Variants in ZBBX observed in about 807,000 individuals in gnomAD.
ZBBX encodes the protein zinc finger B-box domain-containing protein 1.
ZBBX carries 101 observed loss-of-function variants against 108.5 expected under a neutral mutation model. That is an observed-to-expected ratio of 0.93 (90% CI 0.79 to 1.10). The LOEUF is 1.10. Ranked by LOEUF, ZBBX falls within the 50% of genes least tolerant of loss-of-function variation. ZBBX has a pLI of 0.00. For missense variants in ZBBX, 1,009 were observed against 941.4 expected (o/e 1.07, Z -0.94); for synonymous variants, 356 against 323.4 (o/e 1.10, Z -1.08).
At chr3:167,277,758 A>T (rs1727899590) in intron 20 of ZBBX, among the ~76,000 whole-genome samples, 2 of 152,158 alleles carry the variant, frequency 1.3e-5, no homozygotes, top group Admixed American at 1.3e-4. Flanking sequence ...CCTAATAGAC[A>T]TCTACAGAAC....
chr3:167,222,470 ATAGT>A, the ZBBX span, among the ~76,000 whole-genome samples: 19 of 152,034 alleles, frequency 1.2e-4, no homozygotes, highest in Non-Finnish European at 2.5e-4. Flanking sequence ...GACAAAAAAA[ATAGT>A]TAGGTACATT....
rs536633051 is a variant in ZBBX at position 167,322,941 on chromosome 3, G to T, written c.863-704C>A. 1.2e-3 allele frequency among the ~76,000 whole-genome samples: 180 copies of T among 152,106 alleles called. 1 individual carries two copies. Among genetic ancestry groups the T allele is most frequent in the African/African-American group, 4.1e-3 (172 of 41,512 alleles). ...TTTTTTTATAAACTAAGGCTAGAGG[G>T]TGTCCCAGCCTCATATTGTAGACTT... On this transcript the variant is annotated intron_variant, in intron 11 of 21. Transcript: ENST00000675490.
At chr3:167,322,330 G>A (rs1467184178) in intron 11 of ZBBX, 93 bp from the exon 12 acceptor site, 4 of 1,083,906 alleles carry the variant, frequency 3.7e-6, no homozygotes, top group Non-Finnish European at 4.9e-6. Flanking sequence ...CATTTTTGGG[G>A]CATATATGCT....
intron 18 of ZBBX, among the ~76,000 whole-genome samples, chr3:167,295,751 A>ATG (rs1731571342): frequency 1.0e-4 from 1 of 9,566 alleles, no homozygotes; most frequent in African/African-American, 7.9e-4. Context: ...ATATATATAT[A>ATG]TATATATAAA....
intron 19 of ZBBX, among the ~76,000 whole-genome samples, chr3:167,288,564 T>C (rs765608555): frequency 6.6e-6 from 1 of 152,200 alleles, no homozygotes. Flanking sequence ...AATGAAACCA[T>C]GTATTTTATA....
At chr3:167,311,570 A>G (rs1176329060) in intron 16 of ZBBX, among the ~76,000 whole-genome samples, 1 of 152,110 alleles carries the variant, frequency 6.6e-6, no homozygotes, top group Admixed American at 6.5e-5. Flanking sequence ...CATACAAAAA[A>G]CTCTTAAACC....
intron 11 of ZBBX, among the ~76,000 whole-genome samples, chr3:167,322,443 A>G (rs1005347078): frequency 1.3e-5 from 2 of 151,986 alleles, no homozygotes; most frequent in Non-Finnish European, 2.9e-5. Context: ...TTCTTCAACA[A>G]TCTCTTGAAA....
intron 16 of ZBBX, 149 bp downstream of exon 16, chr3:167,313,825 C>T (rs1576970909): frequency 5.8e-6 from 4 of 691,038 alleles, no homozygotes; most frequent in Non-Finnish European, 8.7e-6. Context: ...TGCATATTTA[C>T]TAGAAAATTA....
chr3:167,185,822 C>T, the ZBBX span, among the ~76,000 whole-genome samples: 22 of 152,152 alleles, frequency 1.4e-4, no homozygotes, highest in African/African-American at 5.1e-4. Flanking sequence ...TCATAATGAC[C>T]ATTTTCCATA....
rs1737362340 is a variant in ZBBX, at chr3:167,326,253, T to G, written c.862+1689A>C. Among the ~76,000 whole-genome samples, 2 of 152,176 alleles carry G rather than the reference T, an allele frequency of 1.3e-5. 1 individual carries two copies. Among genetic ancestry groups the G allele is most frequent in the South Asian group, 4.1e-4 (2 of 4,836 alleles). On this transcript the variant is annotated intron_variant, in intron 11 of 21. Coordinates refer to ENST00000675490, the MANE Select transcript of ZBBX (RefSeq NM_001199201.2). ...CCAGTTGCCCATTACAGAATCTCAGTGAAAATGCAAGTTAACTAATAGTAT... is the reference window on the plus strand; with the variant it reads ...CCAGTTGCCCATTACAGAATCTCAGGGAAAATGCAAGTTAACTAATAGTAT...
chr3:167,253,108 A>G (rs538840303), intron 20 of ZBBX, among the ~76,000 whole-genome samples: 7 of 152,368 alleles, frequency 4.6e-5, no homozygotes, highest in Admixed American at 2.6e-4. Flanking sequence ...TTAAATAAAT[A>G]GAAAAAGCAG....
chr3:167,224,378 G>C, the ZBBX span, among the ~76,000 whole-genome samples: 1 of 151,818 alleles, frequency 6.6e-6, no homozygotes, highest in Admixed American at 6.6e-5. Flanking sequence ...ATAAGTTTAG[G>C]AAATCTCTTT....
chr3:167,372,365 G>A (rs1746290844), intron 4 of ZBBX, among the ~76,000 whole-genome samples: 1 of 152,170 alleles, frequency 6.6e-6, no homozygotes, highest in African/African-American at 2.4e-5. Context: ...TTCCCAGGAT[G>A]CCAGTAATTG....
At chr3:167,340,825 A>C (rs1049393179) in intron 9 of ZBBX, among the ~76,000 whole-genome samples, 2 of 151,982 alleles carry the variant, frequency 1.3e-5, no homozygotes, top group African/African-American at 2.4e-5. Flanking sequence ...AAAAGCCCCC[A>C]TCTAAATACA....
chr3:167,382,079 A>G (rs1294639727), upstream of ZBBX, among the ~76,000 whole-genome samples: 2 of 152,184 alleles, frequency 1.3e-5, no homozygotes, highest in Admixed American at 6.5e-5. Flanking sequence ...CCAAAAAATG[A>G]TTCTTACAAT....
chr3:167,348,314 G>GA (rs1476551584), intron 9 of ZBBX, among the ~76,000 whole-genome samples: 8 of 65,598 alleles, frequency 1.2e-4, no homozygotes, highest in East Asian at 4.1e-4. Context: ...GAGAAAGAAA[G>GA]AGAAAGAAAG....
At chr3:167,294,049 CACAA>C (rs1208060776) in intron 18 of ZBBX, among the ~76,000 whole-genome samples, 1 of 152,124 alleles carries the variant, frequency 6.6e-6, no homozygotes, top group African/African-American at 2.4e-5. Flanking sequence ...TAAGAGAGGA[CACAA>C]ACAAATGGAA....
chr3:167,364,231 C>A (rs1744981382), intron 6 of ZBBX, among the ~76,000 whole-genome samples: 1 of 151,566 alleles, frequency 6.6e-6, no homozygotes, highest in Admixed American at 6.6e-5. Context: ...CAAAAATATA[C>A]CTCTCAATGT....
the ZBBX span, among the ~76,000 whole-genome samples, chr3:167,210,842 G>A: frequency 6.6e-6 from 1 of 152,210 alleles, no homozygotes; most frequent in East Asian, 1.9e-4. Flanking sequence ...AAATATGAAG[G>A]AGAAATACTT....
Sources: gnomAD v4.1 joint callset for allele counts (sites outside exome capture counted in the v4.1 genomes callset) on GRCh38, gnomAD v4.1.1 for gene constraint, MANE v1.5 for transcripts, NCBI Gene and HGNC (gene_info 2026-07-23, HGNC 2026-07-21) for gene names.